Variants in GNG7 observed in about 807,000 individuals in gnomAD.
GNG7 encodes G protein subunit gamma 7, also known as guanine nucleotide-binding protein G(I)/G(S)/G(O) subunit gamma-7.
In GNG7, 1 loss-of-function variant was observed where a neutral mutation model predicts 4.0. The ratio of observed to expected loss-of-function variants is 0.25; its 90% CI spans 0.09 to 1.18. GNG7 has a LOEUF of 1.18. Ranked by LOEUF, GNG7 falls within the 50% of genes most tolerant of loss-of-function variation. GNG7 has a pLI of 0.50. For synonymous variants in GNG7, 34 were observed against 36.9 expected, an observed-to-expected ratio of 0.92 and a Z score of 0.29; for missense variants, 86 against 91.9, an observed-to-expected ratio of 0.94 and a Z score of 0.26.
In GNG7 at chr19:2,644,301, G is replaced by A. The variant is rs373783997; in HGVS notation, c.-78+1923C>T. ...CTCCCAAAGTGCTGGGATTACAGGT[G>A]TGAGCCACTGCACCCGGCCTACACT... On this transcript the variant is annotated intron_variant, in intron 2 of 4. Coordinates refer to ENST00000382159, the MANE Select transcript of GNG7 (RefSeq NM_052847.3). Among the ~76,000 whole-genome samples the A allele has an allele frequency of 5.6e-5, 8 of 143,580 alleles. No homozygotes were observed. The East Asian group carries it at 1.5e-3, about 26-fold the overall frequency. The allele number at this position is 143,580 out of a possible 152,430, so 94.2% of individuals were successfully genotyped here. A position where few individuals can be genotyped will look rare whatever the true frequency, so the allele number is the denominator to read the frequency against.
intron 2 of GNG7, among the ~76,000 whole-genome samples, chr19:2,606,662 AAATAATTAATTAATTAATT>A (rs1568260777): frequency 1.1e-5 from 1 of 93,398 alleles, no homozygotes; most frequent in African/African-American, 4.4e-5. Flanking sequence ...TCTCAAAAAA[AAATAATTAATTAATTAATT>A]AATTAATTAA....
Position 2,633,474 on chromosome 19 carries a change from C to T in GNG7, c.-78+12750G>A, listed in dbSNP as rs1210877573. Among the ~76,000 whole-genome samples the T allele has an allele frequency of 1.7e-5, 1 of 57,900 alleles. No individual in the cohort carries two copies. The highest frequency in any genetic ancestry group is 3.5e-5 in the Non-Finnish European group (1 of 28,326). The allele number at this position is 57,900 out of a possible 152,430, so 38.0% of individuals were successfully genotyped here. ...TCAAGCGGTTGCTTAGCAACAGGCG[C>T]GCGCGCGCGCGCGCACACACACACA... On this transcript the variant is annotated intron_variant, in intron 2 of 4. Coordinates refer to ENST00000382159, the MANE Select transcript of GNG7 (RefSeq NM_052847.3). The surrounding 1 kb of genome is among the most constrained non-coding windows in gnomAD (Gnocchi z 5.9).
At chr19:2,677,826 G>A (rs148913183) in intron 1 of GNG7, among the ~76,000 whole-genome samples, 11 of 152,188 alleles carry the variant, frequency 7.2e-5, no homozygotes, top group Non-Finnish European at 1.5e-4. Context: ...CTGGCATAGA[G>A]TGGGTGGAGG....
In GNG7 at chr19:2,609,634, C is replaced by T. The variant is rs571072252; in HGVS notation, c.-78+36590G>A. On this transcript the variant is annotated intron_variant, in intron 2 of 4. Transcript: ENST00000382159. The surrounding 1 kb of genome is among the most constrained non-coding windows in gnomAD (Gnocchi z 4.4). ...GAGCAGACAGGGTCCCACCTGTTACCGTCTTGGACTTCCAGCCTCCAGAAC... is the reference window on the plus strand; with the variant it reads ...GAGCAGACAGGGTCCCACCTGTTACTGTCTTGGACTTCCAGCCTCCAGAAC... 7.2e-5 allele frequency among the ~76,000 whole-genome samples: 11 copies of T among 152,286 alleles called. No homozygotes were observed. The highest frequency in any genetic ancestry group is 2.0e-4 in the Admixed American group (3 of 15,286).
chr19:2,561,753 C>A (rs894627259), intron 2 of GNG7, among the ~76,000 whole-genome samples: 1 of 149,576 alleles, frequency 6.7e-6, no homozygotes, highest in African/African-American at 2.5e-5. Context: ...TAGCGGCAGG[C>A]GCCTGTGATC....
At chr19:2,520,796 C>A (rs1182893826) in intron 3 of GNG7, 71 bp from the exon 4 acceptor site, 3 of 680,030 alleles carry the variant, frequency 4.4e-6, no homozygotes, top group Non-Finnish European at 7.8e-6. Context: ...GGGCGCCCGG[C>A]CTTGGCTCAA....
intron 1 of GNG7, among the ~76,000 whole-genome samples, chr19:2,665,207 C>T (rs376576183): frequency 2.0e-5 from 3 of 152,210 alleles, no homozygotes; most frequent in Non-Finnish European, 2.9e-5. Flanking sequence ...CTCCCAGGCA[C>T]GGTGGACACT....
chr19:2,588,606 T>G (rs1289908028), intron 2 of GNG7, among the ~76,000 whole-genome samples: 1 of 152,126 alleles, frequency 6.6e-6, no homozygotes, highest in African/African-American at 2.4e-5. Context: ...TTCTTAGCCA[T>G]CCTCCTCTGA....
intron 2 of GNG7, among the ~76,000 whole-genome samples, chr19:2,593,553 G>A (rs1204226487): frequency 5.3e-5 from 8 of 152,040 alleles, no homozygotes; most frequent in Middle Eastern, 3.4e-3. Flanking sequence ...AGACCAGCCC[G>A]GGCAACAAGG....
Position 2,557,082 on chromosome 19 carries a change from C to G in GNG7, c.-77-1894G>C, listed in dbSNP as rs1435122959. On this transcript the variant is annotated intron_variant, in intron 2 of 4. Coordinates refer to ENST00000382159, the MANE Select transcript of GNG7 (RefSeq NM_052847.3). This position sits in a 1 kb window ranked among gnomAD's most constrained non-coding sequence, Gnocchi z 5.1. ...ATGCACGCACACAGACACACGCACA[C>G]ACGTGCACACAGGAATACTCAGACA... Among the ~76,000 whole-genome samples, 2 of 151,954 alleles carry G rather than the reference C, an allele frequency of 1.3e-5. No homozygotes were observed. The highest frequency in any genetic ancestry group is 2.4e-5 in the African/African-American group (1 of 41,336).
intron 2 of GNG7, among the ~76,000 whole-genome samples, 155 bp downstream of exon 2, chr19:2,646,069 T>A (rs1982657761): frequency 2.0e-5 from 3 of 152,002 alleles, no homozygotes; most frequent in African/African-American, 7.3e-5. Context: ...CCACACCTGC[T>A]CCCCATTACC....
chr19:2,649,740 A>G (rs1326393026), intron 1 of GNG7, among the ~76,000 whole-genome samples: 1 of 152,114 alleles, frequency 6.6e-6, no homozygotes, highest in African/African-American at 2.4e-5. Flanking sequence ...TGTACCATAC[A>G]ACTCGCCCAC....
intron 1 of GNG7, among the ~76,000 whole-genome samples, chr19:2,695,298 ACTT>A (rs1196006432): frequency 1.3e-5 from 2 of 150,710 alleles, no homozygotes; most frequent in Non-Finnish European, 3.0e-5. Flanking sequence ...CCCCTGGACG[ACTT>A]CTTATCACCC....
At chr19:2,591,725 C>T (rs781729111) in intron 2 of GNG7, among the ~76,000 whole-genome samples, 4 of 152,058 alleles carry the variant, frequency 2.6e-5, no homozygotes, top group Non-Finnish European at 4.4e-5. Flanking sequence ...TAGTGCCTGT[C>T]ATATGTAAAG....
chr19:2,519,146 C>CTTTTTTTTTTTT (rs71178282), intron 4 of GNG7, among the ~76,000 whole-genome samples: 1 of 84,540 alleles, frequency 1.2e-5, no homozygotes, highest in Non-Finnish European at 2.2e-5. Context: ...TTTCTTGTTT[C>CTTTTTTTTTTTT]TTTTTTTTTT....
intron 1 of GNG7, among the ~76,000 whole-genome samples, chr19:2,696,897 C>T (rs1453306251): frequency 6.6e-6 from 1 of 152,198 alleles, no homozygotes; most frequent in African/African-American, 2.4e-5. Flanking sequence ...CAGAGTCTCG[C>T]TCTGTTGCCC....
chr19:2,568,546 CAT>C (rs150319699), intron 2 of GNG7, among the ~76,000 whole-genome samples: 8,534 of 151,920 alleles, frequency 0.056, 667 homozygotes, highest in African/African-American at 0.18. Flanking sequence ...CACACATACA[CAT>C]ATATATACAC....
chr19:2,635,103 A>G (rs564388058), intron 2 of GNG7, among the ~76,000 whole-genome samples: 121 of 152,286 alleles, frequency 7.9e-4, no homozygotes, highest in African/African-American at 2.7e-3. Flanking sequence ...CAGGCTGCTG[A>G]GCAGCGTCCC....
At chr19:2,681,341 G>A (rs572498965) in intron 1 of GNG7, among the ~76,000 whole-genome samples, 141 of 151,878 alleles carry the variant, frequency 9.3e-4, no homozygotes, top group African/African-American at 3.2e-3. Flanking sequence ...CCGCCACCAC[G>A]CCCGGCTAAT....
Sources: gnomAD v4.1 joint callset for allele counts (sites outside exome capture counted in the v4.1 genomes callset) on GRCh38, gnomAD v4.1.1 for gene constraint, Gnocchi (gnomAD v3.1) non-coding constraint, MANE v1.5 for transcripts, NCBI Gene and HGNC (gene_info 2026-07-23, HGNC 2026-07-21) for gene names.